Variants in COL2A1 observed in about 807,000 individuals in gnomAD.
COL2A1 encodes the protein collagen type II alpha 1 chain.
In COL2A1, 28 loss-of-function variants were observed where a neutral mutation model predicts 204.5. That is an observed-to-expected ratio of 0.14 (90% CI 0.10 to 0.19). The LOEUF is 0.19. Ranked by LOEUF, COL2A1 falls within the 10% of genes least tolerant of loss-of-function variation. The pLI, the probability that COL2A1 is intolerant of heterozygous loss-of-function variation, is 1.00. For synonymous variants in COL2A1, 708 were observed against 718.7 expected (o/e 0.99, Z 0.24); for missense variants, 1,388 against 2,027.5 (o/e 0.68, Z 6.06).
Position 47,993,723 on chromosome 12 carries a change from G to T in COL2A1, c.924+86C>A, listed in dbSNP as rs1939813959. ...GCTGTTCTGAGGAGCTAGTTCCACT[G>T]AGCTCCACAGTGTCTCCCTGGCTAG... On this transcript the variant is annotated intron_variant, in intron 14 of 53. Coordinates refer to ENST00000380518, the MANE Select transcript of COL2A1 (RefSeq NM_001844.5). The T allele has an allele frequency of 4.8e-6, 7 of 1,457,518 alleles. No homozygotes were observed. The Admixed American group carries it at 1.2e-4, about 25-fold the overall frequency. 90.3% of individuals were successfully genotyped at this position (1,457,518 alleles called of 1,614,324 possible).
At chr12:47,982,716 C>T in intron 33 of COL2A1, 107 bp from the exon 34 acceptor site, 1 of 1,249,854 alleles carries the variant, frequency 8.0e-7, no homozygotes, top group Non-Finnish European at 1.2e-6. Flanking sequence ...CCTTCCCTTC[C>T]TCCCATGTAG....
At position 47,978,666 on chromosome 12, in the gene COL2A1, A is replaced by G. The variant is rs2136528105; in HGVS notation, c.2826T>C (p.Gly942=). 1 of 1,613,346 alleles carries G rather than the reference A, an allele frequency of 6.2e-7. No homozygotes were observed. The highest frequency in any genetic ancestry group is 8.5e-7 in the Non-Finnish European group (1 of 1,179,984). ...CAGCAGGACCTTGGAGGCCGGGTTC[A>G]CCAGCTCGGCCAGGGGGGCCGCTGT... ...RGDSGPPGRA[G]EPGLQGPAGP... The change falls in exon 42 of 54, where the codon GGT becomes GGC. Residue 942 remains glycine (G), a synonymous_variant. Coordinates refer to ENST00000380518, the MANE Select transcript of COL2A1 (RefSeq NM_001844.5). This position sits in a 1 kb window ranked among gnomAD's most constrained non-coding sequence, Gnocchi z 5.5.
In COL2A1 at chr12:47,973,104, G is replaced by T; in HGVS notation, c.*303C>A. On this transcript the variant is annotated 3_prime_UTR_variant, in exon 54 of 54. Transcript: ENST00000380518. Reference sequence around the variant, plus strand: ...CACCTGAAGGGAGGTCTTCTGGCCTGGGCTGGGGGCAGTCACTCAGGGGGC... The same window carrying T: ...CACCTGAAGGGAGGTCTTCTGGCCTTGGCTGGGGGCAGTCACTCAGGGGGC... The T allele has an allele frequency of 3.3e-6, 2 of 601,590 alleles. No homozygotes were observed. The highest frequency in any genetic ancestry group is 5.9e-6 in the Non-Finnish European group (2 of 338,816). 37.3% of individuals were successfully genotyped at this position (601,590 alleles called of 1,614,324 possible).
chr12:47,973,751 C>T (rs1397353691), intron 53 of COL2A1, among the ~76,000 whole-genome samples, 198 bp from the exon 54 acceptor site: 1 of 152,150 alleles, frequency 6.6e-6, no homozygotes, highest in Admixed American at 6.5e-5. Flanking sequence ...CGGCAGGGCC[C>T]TTCTCCACCC....
At chr12:47,983,782 C>A in intron 29 of COL2A1, 46 bp from the exon 30 acceptor site, 1 of 1,555,264 alleles carries the variant, frequency 6.4e-7, no homozygotes, top group Non-Finnish European at 8.7e-7. Context: ...TTCCAGAGAC[C>A]CTGAGAGCCA....
Position 47,997,926 on chromosome 12 carries a change from T to C in COL2A1, c.376-2A>G. 2 of 1,614,140 alleles carry C rather than the reference T, an allele frequency of 1.2e-6. No individual in the cohort carries two copies. Among genetic ancestry groups the C allele is most frequent in the Non-Finnish European group, 8.5e-7 (1 of 1,180,042 alleles). On this transcript the variant is annotated splice_acceptor_variant, in intron 5 of 53. Transcript: ENST00000380518. LOFTEE classifies it high-confidence loss of function. ...GGGTCCTTGTTCCCCTGCAGGTCCC[T>C]GAAGGTGAAGAACATGGTAAGATGA... is the stretch of plus-strand genomic sequence containing the variant.
intron 18 of COL2A1, 50 bp downstream of exon 18, chr12:47,989,178 G>A: frequency 6.6e-7 from 1 of 1,509,344 alleles, no homozygotes; most frequent in Non-Finnish European, 9.1e-7. Flanking sequence ...ACGGGGAAAG[G>A]ACAGCTTCTC....
intron 16 of COL2A1, 113 bp from the exon 17 acceptor site, chr12:47,989,918 G>T: frequency 9.6e-7 from 1 of 1,039,960 alleles, no homozygotes; most frequent in Non-Finnish European, 1.5e-6. Context: ...GTGTCCCAGG[G>T]CAGAGCACGA....
chr12:47,983,286 C>T lies in COL2A1; in HGVS notation c.2049+99G>A. 2.7e-6 allele frequency: 4 copies of T among 1,489,682 alleles called. No individual in the cohort carries two copies. The Middle Eastern group carries it at 5.1e-4, about 192-fold the overall frequency. 92.3% of individuals were successfully genotyped at this position (1,489,682 alleles called of 1,614,324 possible). The stretch of plus-strand genomic sequence containing the variant: ...ACATGGGTCCAGGACATTCCCAGGC[C>T]TCACAGGGCTCCTCATGCCCTCTTG... On this transcript the variant is annotated intron_variant, in intron 31 of 53. Transcript: ENST00000380518.
At chr12:47,986,111 G>A (rs1346277456) in intron 23 of COL2A1, 146 bp from the exon 24 acceptor site, 2 of 873,234 alleles carry the variant, frequency 2.3e-6, no homozygotes, top group African/African-American at 1.7e-5. Context: ...TTAACTTCTG[G>A]AGCCTGCCCC....
In COL2A1 at chr12:47,998,434, G is replaced by A; in HGVS notation, c.293-3C>T. The A allele has an allele frequency of 6.2e-7, 1 of 1,610,922 alleles. No individual in the cohort carries two copies. The highest frequency in any genetic ancestry group is 1.1e-5 in the South Asian group (1 of 90,584). The stretch of plus-strand genomic sequence containing the variant: ...CCTTACCTTTGGTCCTGGTTGCCCT[G>A]CAAGGGAAAAAATATAGAGAAGAAG... On this transcript the variant is annotated splice_region_variant and splice_polypyrimidine_tract_variant and intron_variant, in intron 2 of 53. Transcript: ENST00000380518.
chr12:47,983,064 C>T (rs905518520), intron 32 of COL2A1, 29 bp downstream of exon 32: 2 of 1,613,268 alleles, frequency 1.2e-6, no homozygotes, highest in African/African-American at 2.7e-5. Flanking sequence ...CCCAAGGAGG[C>T]AGCCCGCATT....
chr12:47,986,801 C>T, intron 22 of COL2A1, 34 bp downstream of exon 22: 1 of 1,613,498 alleles, frequency 6.2e-7, no homozygotes, highest in South Asian at 1.1e-5. Flanking sequence ...AGAACAGCAG[C>T]AGAGAAGACA....
chr12:47,998,219 C>T lies in COL2A1; in HGVS notation c.310-18G>A. On this transcript the variant is annotated intron_variant, in intron 3 of 53. Transcript: ENST00000380518. The stretch of plus-strand genomic sequence containing the variant: ...TTCTGTCCCTGAAACATGAAACATT[C>T]ACAGGATTAAGCCGAGTAAGCCCAC... 6.2e-7 allele frequency: 1 copy of T among 1,614,100 alleles called. No individual in the cohort carries two copies. The highest frequency in any genetic ancestry group is 8.5e-7 in the Non-Finnish European group (1 of 1,180,026).
intron 2 of COL2A1, chr12:47,998,924 C>T (rs151225417): frequency 1.1e-4 from 19 of 168,466 alleles, no homozygotes; most frequent in African/African-American, 9.6e-5. Flanking sequence ...TGAAGAGCAT[C>T]GGAGCATCAT....
intron 11 of COL2A1, 93 bp downstream of exon 11, chr12:47,995,162 C>T (rs1394439151): frequency 2.8e-6 from 3 of 1,088,262 alleles, no homozygotes; most frequent in South Asian, 2.5e-5. Context: ...ATACCTCCAC[C>T]CTGGGTGCCT....
In COL2A1 at chr12:47,976,075, AAGAG is replaced by A. The variant is rs780110289; in HGVS notation, c.3490-9_3490-6del. ...ACCGACGGGGCCAGGAGGACCCTGC[AAGAG>A]AGAGAGGTCGTGAGGAAAGAGTGGT... On this transcript the variant is annotated splice_region_variant and splice_polypyrimidine_tract_variant and intron_variant, in intron 49 of 53. Transcript: ENST00000380518. This position sits in a 1 kb window ranked among gnomAD's most constrained non-coding sequence, Gnocchi z 4.3. 7 of 1,604,168 alleles carry A rather than the reference AAGAG, an allele frequency of 4.4e-6. No homozygotes were observed. Among genetic ancestry groups the A allele is most frequent in the South Asian group, 3.3e-5 (3 of 90,878 alleles).
rs148449532 is a variant in COL2A1, at chr12:47,978,393, G to A, written c.2901C>T (p.Ala967=). The A allele has an allele frequency of 2.5e-5, 41 of 1,613,724 alleles. No individual in the cohort carries two copies. In the African/African-American group the frequency reaches 4.4e-4, roughly 17 times the overall value. ...GACCCTGGGGACCTGGTGGACCTTC[G>A]GCACCCTGAGAGAGGAGAGGCAGGA... The part of the protein sequence containing the change: ...GEPGDDGPSG[A]EGPPGPQGLA... The change falls in exon 43 of 54, where the codon GCC becomes GCT. Residue 967 remains alanine (A), a synonymous_variant. Coordinates refer to ENST00000380518, the MANE Select transcript of COL2A1 (RefSeq NM_001844.5). This position sits in a 1 kb window ranked among gnomAD's most constrained non-coding sequence, Gnocchi z 5.5.
In COL2A1 at chr12:47,987,430, C is replaced by A; in HGVS notation, c.1222-117G>T. The A allele has an allele frequency of 8.4e-7, 1 of 1,189,852 alleles. No individual in the cohort carries two copies. Among genetic ancestry groups the A allele is most frequent in the African/African-American group, 1.5e-5 (1 of 66,930 alleles). The allele number at this position is 1,189,852 out of a possible 1,614,324, so 73.7% of individuals were successfully genotyped here. On this transcript the variant is annotated intron_variant, in intron 19 of 53. Transcript: ENST00000380518. The surrounding 1 kb of genome is among the most constrained non-coding windows in gnomAD (Gnocchi z 4.1). The stretch of plus-strand genomic sequence containing the variant: ...GTGCTGTCCATTTCAGGGACATTCC[C>A]ACTATGTGTTTCAAGGGGAAGATGG...
Sources: gnomAD v4.1 joint callset for allele counts (sites outside exome capture counted in the v4.1 genomes callset) on GRCh38, gnomAD v4.1.1 for gene constraint, Gnocchi (gnomAD v3.1) non-coding constraint, MANE v1.5 for transcripts, NCBI Gene and HGNC (gene_info 2026-07-23, HGNC 2026-07-21) for gene names.